Variants in WHRN observed in about 807,000 individuals in gnomAD.
The protein encoded by WHRN is whirlin, also known as CASK-interacting protein CIP98.
Under a neutral mutation model 68.3 loss-of-function variants are expected in WHRN, and 41 were observed. The observed-to-expected ratio is 0.60, with a 90% CI of 0.47 to 0.78. WHRN has a LOEUF of 0.78. Ranked by LOEUF, WHRN falls within the 30% of genes least tolerant of loss-of-function variation. The pLI is 0.00. For synonymous variants in WHRN, 560 were observed against 561.3 expected (o/e 1.00, Z 0.03); for missense variants, 1,243 against 1,244.7 (o/e 1.00, Z 0.02).
At position 114,478,722 on chromosome 9, in the gene WHRN, C is replaced by G; in HGVS notation, c.668G>C (p.Arg223Pro). The G allele has an allele frequency of 1.2e-6, 2 of 1,612,440 alleles. No individual in the cohort carries two copies. The highest frequency in any genetic ancestry group is 2.2e-5 in the South Asian group (2 of 90,998). ...GTTGGTGACGTAGCCCCCAGGGATG[C>G]GCCCTGCTGAGTACACAGACAGCAC... Reference protein sequence around the residue: ...KLVLSVYSAGRIPGGYVTNHI... With the variant: ...KLVLSVYSAGPIPGGYVTNHI... Residue 223 changes from arginine (R) to proline (P), a missense_variant, in exon 2 of 12, where the codon CGC (arginine) becomes CCC (proline). Physicochemically the swap from Arg to Pro is moderately radical, Grantham distance 103. Transcript: ENST00000362057.
At chr9:114,420,435 A>T (rs1332049593) in intron 7 of WHRN, among the ~76,000 whole-genome samples, 4 of 152,168 alleles carry the variant, frequency 2.6e-5, no homozygotes, top group Non-Finnish European at 2.9e-5. Context: ...AGAGAGAAAC[A>T]AGCTCAGAGA....
chr9:114,481,436 C>T (rs1842085823), intron 1 of WHRN, among the ~76,000 whole-genome samples: 1 of 152,154 alleles, frequency 6.6e-6, no homozygotes, highest in African/African-American at 2.4e-5. Context: ...AAATCAAATC[C>T]CTGTTAAGGT....
chr9:114,408,043 T>C, intron 7 of WHRN, 25 bp from the exon 8 acceptor site: 1 of 1,573,730 alleles, frequency 6.4e-7, no homozygotes, highest in Non-Finnish European at 8.7e-7. Context: ...GAAAGCAAAG[T>C]GAGCAAACAG....
intron 1 of WHRN, among the ~76,000 whole-genome samples, chr9:114,485,362 T>A (rs62555200): frequency 2.6e-5 from 4 of 152,178 alleles, no homozygotes; most frequent in Non-Finnish European, 5.9e-5. Context: ...ACTGAGCCAA[T>A]TGCCTAAACT....
chr9:114,500,457 C>A lies in WHRN; in HGVS notation c.618+3727G>T, dbSNP rs574596966. The stretch of plus-strand genomic sequence containing the variant: ...TGTCTTATATTAACATGGACAGATT[C>A]TTTCCAGGTTATTATGCAAAGGGAG... On this transcript the variant is annotated intron_variant, in intron 1 of 11. Coordinates refer to ENST00000362057, the MANE Select transcript of WHRN (RefSeq NM_015404.4). Among the ~76,000 whole-genome samples the A allele has an allele frequency of 1.2e-4, 19 of 152,312 alleles. No individual in the cohort carries two copies. In the East Asian group the frequency reaches 3.5e-3, roughly 28 times the overall value.
At chr9:114,467,617 A>G (rs1047375126) in intron 2 of WHRN, among the ~76,000 whole-genome samples, 5 of 152,256 alleles carry the variant, frequency 3.3e-5, no homozygotes, top group African/African-American at 1.2e-4. Flanking sequence ...CAGTGGCCAC[A>G]GCAGGTGCTG....
chr9:114,423,254 A>G (rs1460988040), intron 7 of WHRN, 60 bp downstream of exon 7: 17 of 1,576,902 alleles, frequency 1.1e-5, no homozygotes, highest in Non-Finnish European at 4.4e-6. Flanking sequence ...TCTCACTCCA[A>G]AGCCAGCATC....
intron 7 of WHRN, among the ~76,000 whole-genome samples, chr9:114,415,126 C>T (rs1046225075): frequency 6.6e-6 from 1 of 152,056 alleles, no homozygotes; most frequent in Non-Finnish European, 1.5e-5. Flanking sequence ...GTGAGACCCC[C>T]ATCACTACAA....
chr9:114,402,671 G>A lies in WHRN; in HGVS notation c.*83C>T, dbSNP rs1417231117. ...ACCCTGGCCATGCAGCCCCAACCCC[G>A]CAAGGAGCTTGATGAAGCCAACGGT... On this transcript the variant is annotated 3_prime_UTR_variant, in exon 12 of 12. Transcript: ENST00000362057. The A allele has an allele frequency of 1.6e-5, 25 of 1,570,152 alleles. No individual in the cohort carries two copies. The East Asian group carries it at 2.2e-4, about 14-fold the overall frequency.
intron 3 of WHRN, among the ~76,000 whole-genome samples, chr9:114,451,056 TA>T (rs1287212439): frequency 1.3e-5 from 2 of 152,130 alleles, no homozygotes; most frequent in Admixed American, 6.5e-5. Context: ...ACCACACAGG[TA>T]CAAACATGTG....
In WHRN at chr9:114,471,733, G is replaced by A. The variant is rs568521000; in HGVS notation, c.838-5341C>T. Among the ~76,000 whole-genome samples, 6 of 152,324 alleles carry A rather than the reference G, an allele frequency of 3.9e-5. No homozygotes were observed. The East Asian group carries it at 5.8e-4, about 15-fold the overall frequency. Reference sequence around the variant, plus strand: ...TATCCATTCCCTTATACCAGGAACTGGAATGCATGTAGGTAATTCTGGGCC... The same window carrying A: ...TATCCATTCCCTTATACCAGGAACTAGAATGCATGTAGGTAATTCTGGGCC... On this transcript the variant is annotated intron_variant, in intron 2 of 11. Coordinates refer to ENST00000362057, the MANE Select transcript of WHRN (RefSeq NM_015404.4).
chr9:114,497,145 T>G (rs964319224), intron 1 of WHRN, among the ~76,000 whole-genome samples: 2 of 152,228 alleles, frequency 1.3e-5, no homozygotes, highest in Non-Finnish European at 2.9e-5. Context: ...TGTTCTTCCC[T>G]GCAGCCTACA....
At chr9:114,417,273 G>A (rs1439193655) in intron 7 of WHRN, among the ~76,000 whole-genome samples, 1 of 152,188 alleles carries the variant, frequency 6.6e-6, no homozygotes. Flanking sequence ...CATGATCCGA[G>A]GAATTCAGGC....
At chr9:114,424,573 G>A (rs1836639489) in intron 5 of WHRN, 27 bp from the exon 6 acceptor site, 1 of 1,582,864 alleles carries the variant, frequency 6.3e-7, no homozygotes, top group African/African-American at 1.3e-5. Flanking sequence ...TAGAAGCCCA[G>A]GAATTCTTAG....
intron 7 of WHRN, among the ~76,000 whole-genome samples, chr9:114,416,159 G>C (rs1835802609): frequency 6.6e-6 from 1 of 152,214 alleles, no homozygotes; most frequent in Non-Finnish European, 1.5e-5. Context: ...TCCTTGGGCA[G>C]GGGCTGGGAG....
chr9:114,411,211 C>T (rs913936944), intron 7 of WHRN, among the ~76,000 whole-genome samples: 3 of 152,210 alleles, frequency 2.0e-5, no homozygotes, highest in Non-Finnish European at 4.4e-5. Flanking sequence ...CACCACCTCC[C>T]TCCTCCAAGA....
At chr9:114,488,300 T>C (rs1842701925) in intron 1 of WHRN, among the ~76,000 whole-genome samples, 1 of 152,132 alleles carries the variant, frequency 6.6e-6, no homozygotes, top group Admixed American at 6.5e-5. Flanking sequence ...AGGAGGTGCT[T>C]GGCAAATAGT....
At chr9:114,504,145 C>T (rs1321272354) in intron 1 of WHRN, 39 bp downstream of exon 1, 1 of 1,613,708 alleles carries the variant, frequency 6.2e-7, no homozygotes, top group Non-Finnish European at 8.5e-7. Context: ...CCACTCTGTC[C>T]ATACTCTGCC....
intron 7 of WHRN, among the ~76,000 whole-genome samples, chr9:114,415,215 C>A (rs998215702): frequency 2.6e-5 from 4 of 151,786 alleles, no homozygotes; most frequent in African/African-American, 9.7e-5. Flanking sequence ...GTGGGAGGAC[C>A]ACTTAAGCCC....
Sources: gnomAD v4.1 joint callset for allele counts (sites outside exome capture counted in the v4.1 genomes callset) on GRCh38, gnomAD v4.1.1 for gene constraint, MANE v1.5 for transcripts, NCBI Gene and HGNC (gene_info 2026-07-23, HGNC 2026-07-21) for gene names.